GRIA2: variants seen among roughly 807,000 people sequenced by gnomAD.
GRIA2 encodes glutamate ionotropic receptor AMPA type subunit 2, also known as glutamate receptor 2.
In GRIA2, 14 loss-of-function variants were observed where a neutral mutation model predicts 97.3. The ratio of observed to expected loss-of-function variants is 0.14; its 90% CI spans 0.10 to 0.23. The LOEUF is 0.23. GRIA2 is among the 10% of genes least tolerant of loss of function. GRIA2 has a pLI of 1.00. For missense variants in GRIA2, 558 were observed against 1,069.8 expected, an observed-to-expected ratio of 0.52 and a Z score of 6.67; for synonymous variants, 412 against 387.8, an observed-to-expected ratio of 1.06 and a Z score of -0.73.
In GRIA2 at chr4:157,361,221, A is replaced by C; in HGVS notation, c.2406+97A>C. The C allele has an allele frequency of 1.1e-6, 1 of 899,578 alleles. No homozygotes were observed. The allele number at this position is 899,578 out of a possible 1,614,324, so 55.7% of individuals were successfully genotyped here. A position where few individuals can be genotyped will look rare whatever the true frequency, so the allele number is the denominator to read the frequency against. On this transcript the variant is annotated intron_variant, in intron 14 of 15. Coordinates refer to ENST00000264426, the MANE Select transcript of GRIA2 (RefSeq NM_001083619.3). The surrounding 1 kb of genome is among the most constrained non-coding windows in gnomAD (Gnocchi z 5.2). ...GGCACTCCGTGCCACCAAGTTTCCA[A>C]CGCTAAGCTGAAGAGTGCAATTGGA...
At chr4:157,307,879 T>A (rs1213170994) in intron 3 of GRIA2, among the ~76,000 whole-genome samples, 1 of 152,264 alleles carries the variant, frequency 6.6e-6, no homozygotes, top group Non-Finnish European at 1.5e-5. Context: ...TTTCAAATTA[T>A]AATTTTTTCC....
At chr4:157,318,684 A>G (rs1349921969) in intron 5 of GRIA2, among the ~76,000 whole-genome samples, 2 of 152,194 alleles carry the variant, frequency 1.3e-5, no homozygotes, top group African/African-American at 4.8e-5. Flanking sequence ...CTTTACTGCT[A>G]CAGAGTTTAA....
At chr4:157,225,780 C>T (rs1318956310) in intron 2 of GRIA2, among the ~76,000 whole-genome samples, 8 of 151,434 alleles carry the variant, frequency 5.3e-5, no homozygotes, top group Admixed American at 3.9e-4. Flanking sequence ...TAAACACAAG[C>T]GGTTTAATAC....
intron 2 of GRIA2, among the ~76,000 whole-genome samples, chr4:157,226,581 A>G (rs1003125242): frequency 3.3e-5 from 5 of 152,120 alleles, no homozygotes; most frequent in Non-Finnish European, 7.4e-5. Context: ...GTCACAAATT[A>G]CTGAGATTTT....
At chr4:157,306,468 A>G (rs1180798307) in intron 3 of GRIA2, among the ~76,000 whole-genome samples, 2 of 152,204 alleles carry the variant, frequency 1.3e-5, no homozygotes, top group African/African-American at 4.8e-5. Flanking sequence ...TTTGAGTTCA[A>G]GTGCATCTGT....
intron 11 of GRIA2, among the ~76,000 whole-genome samples, chr4:157,339,573 T>G (rs531920305): frequency 6.6e-6 from 1 of 151,948 alleles, no homozygotes; most frequent in Non-Finnish European, 1.5e-5. Flanking sequence ...AAATCTGATA[T>G]AAGGACTGGA....
chr4:157,237,145 T>A (rs1008070205), intron 2 of GRIA2, among the ~76,000 whole-genome samples: 3 of 152,142 alleles, frequency 2.0e-5, no homozygotes, highest in Non-Finnish European at 4.4e-5. Flanking sequence ...TGGTATTATG[T>A]TTCCAGATAA....
At chr4:157,258,101 T>C (rs1205941532) in intron 2 of GRIA2, among the ~76,000 whole-genome samples, 2 of 152,054 alleles carry the variant, frequency 1.3e-5, no homozygotes, top group African/African-American at 2.4e-5. Context: ...GACCCTGTGA[T>C]GATTGCGTTA....
At chr4:157,253,328 G>A (rs376222087) in intron 2 of GRIA2, among the ~76,000 whole-genome samples, 13 of 151,878 alleles carry the variant, frequency 8.6e-5, no homozygotes, top group African/African-American at 2.9e-4. Flanking sequence ...CGTTGCCAAG[G>A]CTAATCTCGA....
chr4:157,298,441 T>C (rs891876487), intron 2 of GRIA2, among the ~76,000 whole-genome samples: 6 of 151,886 alleles, frequency 4.0e-5, no homozygotes, highest in African/African-American at 1.5e-4. Flanking sequence ...ATGATGGCAA[T>C]AGTTATCATG....
At chr4:157,243,887 A>G (rs1433670596) in intron 2 of GRIA2, among the ~76,000 whole-genome samples, 2 of 152,006 alleles carry the variant, frequency 1.3e-5, no homozygotes, top group Admixed American at 6.6e-5. Flanking sequence ...GTGGACGCTC[A>G]TGGAGCCTAT....
rs553224983 is a variant in GRIA2, at chr4:157,345,835, A to C, written c.2043+4373A>C. Among the ~76,000 whole-genome samples, 9 of 152,240 alleles carry C rather than the reference A, an allele frequency of 5.9e-5. 1 individual carries two copies. The highest frequency in any genetic ancestry group is 1.7e-4 in the African/African-American group (7 of 41,554). ...CTTTGTTGATAATTTTGGAAGAAAA[A>C]AATTCTAAACATTGCATTGCCAAAA... On this transcript the variant is annotated intron_variant, in intron 12 of 15. Transcript: ENST00000264426.
rs571171358 is a variant in GRIA2, at chr4:157,348,754, C to G, written c.2043+7292C>G. 2.0e-5 allele frequency among the ~76,000 whole-genome samples: 3 copies of G among 152,086 alleles called. No individual in the cohort carries two copies. The East Asian group carries it at 5.8e-4, about 29-fold the overall frequency. On this transcript the variant is annotated intron_variant, in intron 12 of 15. Transcript: ENST00000264426. ...AACAATATTGAGTAGAATTAAAAGTCTCATATTAGCATTAAAATAAAACAA... is the reference window on the plus strand; with the variant it reads ...AACAATATTGAGTAGAATTAAAAGTGTCATATTAGCATTAAAATAAAACAA...
At chr4:157,303,419 A>T (rs1733700733) in intron 2 of GRIA2, 133 bp from the exon 3 acceptor site, 2 of 703,978 alleles carry the variant, frequency 2.8e-6, no homozygotes, top group Admixed American at 2.8e-5. Context: ...ATTACAATGG[A>T]TCATTAAATC....
At chr4:157,256,919 C>A (rs575777645) in intron 2 of GRIA2, among the ~76,000 whole-genome samples, 1 of 151,884 alleles carries the variant, frequency 6.6e-6, no homozygotes, top group African/African-American at 2.4e-5. Flanking sequence ...GATTTATTTG[C>A]AGTACCATCA....
chr4:157,335,797 A>G lies in GRIA2; in HGVS notation c.1393A>G (p.Ile465Val), dbSNP rs1735256686. ...KHCGFKYKLT[I>V]VGDGKYGARD... is the part of the protein sequence containing the mutation. The stretch of plus-strand genomic sequence containing the variant: ...TTGTGGGTTCAAGTACAAGTTGACA[A>G]TTGTTGGTGATGGCAAGTATGGGGC... The change falls in exon 10 of 16, where the codon ATT becomes GTT. Residue 465 changes from isoleucine (I) to valine (V), a missense_variant. By Grantham distance (29) the Ile-to-Val change is conservative. Transcript: ENST00000264426. The G allele has an allele frequency of 1.2e-6, 2 of 1,612,814 alleles. No individual in the cohort carries two copies. The highest frequency in any genetic ancestry group is 1.3e-5 in the African/African-American group (1 of 74,862).
intron 2 of GRIA2, among the ~76,000 whole-genome samples, chr4:157,256,025 C>A (rs957357917): frequency 2.0e-5 from 3 of 150,036 alleles, no homozygotes; most frequent in South Asian, 2.1e-4. Flanking sequence ...TATAAAAATT[C>A]TTGATTCTTT....
chr4:157,287,680 C>G (rs1352190154), intron 2 of GRIA2, among the ~76,000 whole-genome samples: 3 of 151,512 alleles, frequency 2.0e-5, no homozygotes, highest in African/African-American at 7.3e-5. Flanking sequence ...TTTGTTTCCA[C>G]TCAGAGCAGA....
At chr4:157,221,470 T>C in intron 1 of GRIA2, 197 bp from the exon 2 acceptor site, 1 of 604,192 alleles carries the variant, frequency 1.7e-6, no homozygotes, top group East Asian at 2.8e-5. Flanking sequence ...CTACCTCGCC[T>C]TCAGACTCTC....
Sources: allele counts gnomAD v4.1 joint callset (sites outside exome capture counted in the v4.1 genomes callset), GRCh38; gene constraint gnomAD v4.1.1; non-coding constraint Gnocchi (gnomAD v3.1); transcripts MANE v1.5; gene names NCBI Gene and HGNC (gene_info 2026-07-23, HGNC 2026-07-21).